OXR1: variants seen among roughly 807,000 people sequenced by gnomAD.
OXR1 encodes oxidation resistance 1.
OXR1 carries 41 observed loss-of-function variants against 104.6 expected under a neutral mutation model. The observed-to-expected ratio is 0.39, with a 90% confidence interval of 0.31 to 0.51. The LOEUF (loss-of-function observed/expected upper bound fraction) is 0.51, where lower values mean the gene tolerates loss of function less well. OXR1 is among the 20% of genes least tolerant of loss of function. The pLI is 0.77. For synonymous variants in OXR1, 348 were observed against 348.4 expected, an observed-to-expected ratio of 1.00 and a Z score of 0.01; for missense variants, 955 against 1,031.9, an observed-to-expected ratio of 0.93 and a Z score of 1.02.
At chr8:106,350,373 A>G (rs536041132) in intron 1 of OXR1, among the ~76,000 whole-genome samples, 4 of 152,218 alleles carry the variant, frequency 2.6e-5, no homozygotes, top group Non-Finnish European at 4.4e-5. Context: ...TGTAAGGTTC[A>G]TAACTGTTTA....
At position 106,658,921 on chromosome 8, in the gene OXR1, G is replaced by A. The variant is rs947014868; in HGVS notation, c.221-20289G>A. ...CTGAACAGTTTTAGCATAATGCATA[G>A]GGTAACTTCCAGTGTCCTTGGCTTC... is the stretch of plus-strand genomic sequence containing the variant. On this transcript the variant is annotated intron_variant, in intron 3 of 16. Coordinates refer to ENST00000517566, the MANE Select transcript of OXR1 (RefSeq NM_001198533.2). Among the ~76,000 whole-genome samples the A allele has an allele frequency of 5.3e-5, 8 of 152,172 alleles. No individual in the cohort carries two copies. In the South Asian group the frequency reaches 1.7e-3, roughly 32 times the overall value.
chr8:106,539,312 C>T (rs558307276), intron 3 of OXR1, among the ~76,000 whole-genome samples: 1 of 152,268 alleles, frequency 6.6e-6, no homozygotes, highest in South Asian at 2.1e-4. Context: ...ATTTTGTAAT[C>T]AATACATTAC....
At chr8:106,367,716 A>T (rs902247947) in intron 2 of OXR1, among the ~76,000 whole-genome samples, 4 of 152,154 alleles carry the variant, frequency 2.6e-5, no homozygotes, top group African/African-American at 9.7e-5. Context: ...ACAGATAGTG[A>T]TATGTATTTT....
At chr8:106,743,879 G>T in intron 15 of OXR1, among the ~76,000 whole-genome samples, 1 of 152,184 alleles carries the variant, frequency 6.6e-6, no homozygotes, top group East Asian at 1.9e-4. Context: ...ACTGGATAAA[G>T]AAAATGTGGT....
intron 1 of OXR1, among the ~76,000 whole-genome samples, chr8:106,300,712 C>T (rs1291687597): frequency 1.3e-5 from 2 of 152,050 alleles, no homozygotes; most frequent in Non-Finnish European, 2.9e-5. Context: ...CTAGGAAAAC[C>T]ATCATTGCTT....
intron 11 of OXR1, among the ~76,000 whole-genome samples, chr8:106,726,682 G>A (rs182970313): frequency 6.6e-6 from 1 of 152,118 alleles, no homozygotes; most frequent in East Asian, 1.9e-4. Flanking sequence ...TTATTGACTG[G>A]ATCTCAAACC....
intron 3 of OXR1, among the ~76,000 whole-genome samples, chr8:106,594,468 C>G (rs567644691): frequency 2.5e-4 from 38 of 152,302 alleles, no homozygotes; most frequent in African/African-American, 8.9e-4. Flanking sequence ...TGTCAGACCC[C>G]CACGGAAGCC....
intron 4 of OXR1, chr8:106,682,457 A>T (rs1362362417): frequency 6.7e-6 from 1 of 149,230 alleles, no homozygotes; most frequent in Non-Finnish European, 1.5e-5. Context: ...TTTAATAGAG[A>T]CGGGGTTTCA....
intron 3 of OXR1, among the ~76,000 whole-genome samples, chr8:106,529,439 AT>A (rs1032911782): frequency 1.6e-4 from 24 of 152,180 alleles, no homozygotes; most frequent in African/African-American, 2.6e-4. Context: ...GATAAATTAG[AT>A]TTTTTTTAAC....
At chr8:106,284,463 G>A (rs1289890719) in intron 1 of OXR1, among the ~76,000 whole-genome samples, 3 of 151,980 alleles carry the variant, frequency 2.0e-5, no homozygotes, top group Non-Finnish European at 4.4e-5. Flanking sequence ...TGAAGCAGGG[G>A]GTGACATGAT....
At chr8:106,495,687 C>T (rs1005635527) in intron 2 of OXR1, among the ~76,000 whole-genome samples, 3 of 152,258 alleles carry the variant, frequency 2.0e-5, no homozygotes, top group African/African-American at 7.2e-5. Flanking sequence ...GCAAAGAATT[C>T]GGTCTGAGTG....
intron 1 of OXR1, among the ~76,000 whole-genome samples, chr8:106,337,721 T>G (rs900694179): frequency 3.3e-5 from 5 of 152,164 alleles, no homozygotes; most frequent in African/African-American, 1.2e-4. Flanking sequence ...CTTCATGATA[T>G]GAAGAAAAAA....
At chr8:106,694,978 A>G (rs910862088) in intron 7 of OXR1, among the ~76,000 whole-genome samples, 5 of 138,420 alleles carry the variant, frequency 3.6e-5, no homozygotes, top group Non-Finnish European at 7.7e-5. Flanking sequence ...GTATATTATA[A>G]TATATATCTT....
intron 6 of OXR1, among the ~76,000 whole-genome samples, chr8:106,685,802 A>G (rs1156376324): frequency 6.6e-6 from 1 of 152,192 alleles, no homozygotes; most frequent in Non-Finnish European, 1.5e-5. Context: ...AAAAGAAGTC[A>G]TTATATAAAA....
intron 2 of OXR1, among the ~76,000 whole-genome samples, chr8:106,451,674 G>C (rs1324126067): frequency 6.6e-6 from 1 of 152,214 alleles, no homozygotes; most frequent in East Asian, 1.9e-4. Flanking sequence ...TATAGTATAA[G>C]ATTTTGATTG....
chr8:106,427,926 C>T (rs1345849542), intron 2 of OXR1, among the ~76,000 whole-genome samples: 1 of 152,102 alleles, frequency 6.6e-6, no homozygotes, highest in Non-Finnish European at 1.5e-5. Context: ...TGCAAATTAA[C>T]AAAATTTTCT....
At chr8:106,446,848 C>T (rs1820031230) in intron 2 of OXR1, among the ~76,000 whole-genome samples, 1 of 152,154 alleles carries the variant, frequency 6.6e-6, no homozygotes, top group Non-Finnish European at 1.5e-5. Context: ...AGGAAGATCA[C>T]TTGAGAGGCT....
intron 1 of OXR1, among the ~76,000 whole-genome samples, chr8:106,308,944 G>A (rs1813578934): frequency 6.6e-6 from 1 of 151,768 alleles, no homozygotes; most frequent in Admixed American, 6.6e-5. Flanking sequence ...AAAAGCTCTG[G>A]TACTACTGGA....
At chr8:106,378,804 C>T (rs1013738439) in intron 2 of OXR1, among the ~76,000 whole-genome samples, 5 of 152,156 alleles carry the variant, frequency 3.3e-5, no homozygotes, top group African/African-American at 7.2e-5. Flanking sequence ...CCACCATGCC[C>T]GGCCTGATGT....
Sources: allele counts gnomAD v4.1 joint callset (sites outside exome capture counted in the v4.1 genomes callset), GRCh38; gene constraint gnomAD v4.1.1; transcripts MANE v1.5; gene names NCBI Gene and HGNC (gene_info 2026-07-23, HGNC 2026-07-21).